The following DNAH6 variants were observed in gnomAD, a reference collection of about 807,000 sequenced individuals.
DNAH6 encodes axonemal beta dynein heavy chain 6.
Under a neutral mutation model 491.4 loss-of-function variants are expected in DNAH6, and 340 were observed. The ratio of observed to expected loss-of-function variants is 0.69; its 90% CI spans 0.63 to 0.76. The LOEUF (loss-of-function observed/expected upper bound fraction) is 0.76, where lower values mean the gene tolerates loss of function less well. DNAH6 is among the 30% of genes least tolerant of loss of function. The probability of loss-of-function intolerance (pLI) is 0.00; values close to 1 mark genes in which losing one functional copy is unlikely to be tolerated. For synonymous variants in DNAH6, 1,603 were observed against 1,686.1 expected (o/e 0.95, Z 1.21); for missense variants, 4,443 against 4,972.2 (o/e 0.89, Z 3.20).
chr2:84,666,436 C>G (rs1162687886), intron 37 of DNAH6, among the ~76,000 whole-genome samples: 3 of 152,272 alleles, frequency 2.0e-5, no homozygotes, highest in Admixed American at 6.5e-5. Context: ...GCTAAAATCA[C>G]AAGCATTCCT....
intron 39 of DNAH6, 106 bp from the exon 40 acceptor site, chr2:84,672,221 T>G: frequency 8.5e-7 from 1 of 1,176,802 alleles, no homozygotes. Context: ...CTGAGCTCTT[T>G]ATGACCTGTA....
In DNAH6 at chr2:84,781,671, C is replaced by T; in HGVS notation, c.10864+18C>T. 2 of 1,524,016 alleles carry T rather than the reference C, an allele frequency of 1.3e-6. No homozygotes were observed. Among genetic ancestry groups the T allele is most frequent in the Non-Finnish European group, 1.8e-6 (2 of 1,131,100 alleles). The allele number at this position is 1,524,016 out of a possible 1,614,324, so 94.4% of individuals were successfully genotyped here. A position where few individuals can be genotyped will look rare whatever the true frequency, so the allele number is the denominator to read the frequency against. On this transcript the variant is annotated intron_variant, in intron 65 of 76. Transcript: ENST00000389394. ...AGATCCAGGTATGTTGAGCATATAG[C>T]CCTTGCATAATAATCACATTTTTAT...
At chr2:84,751,796 A>G (rs1343283147) in intron 63 of DNAH6, among the ~76,000 whole-genome samples, 3 of 152,070 alleles carry the variant, frequency 2.0e-5, no homozygotes, top group Non-Finnish European at 4.4e-5. Context: ...GTTAAAACAG[A>G]CTCCTGGGGC....
intron 45 of DNAH6, among the ~76,000 whole-genome samples, chr2:84,693,400 C>G (rs748971837): frequency 2.2e-4 from 34 of 151,908 alleles, no homozygotes; most frequent in Non-Finnish European, 4.7e-4. Context: ...GGGGGGGTTT[C>G]CCTCCTTTTT....
intron 3 of DNAH6, among the ~76,000 whole-genome samples, chr2:84,527,399 T>G (rs147127924): frequency 5.3e-5 from 8 of 152,160 alleles, no homozygotes; most frequent in African/African-American, 1.9e-4. Flanking sequence ...AGTTACATAA[T>G]GAGAAATTAG....
chr2:84,772,620 C>T (rs1675738684), intron 64 of DNAH6, among the ~76,000 whole-genome samples: 2 of 151,986 alleles, frequency 1.3e-5, no homozygotes, highest in Non-Finnish European at 2.9e-5. Context: ...TACATATGCA[C>T]CTAACAACCA....
intron 22 of DNAH6, among the ~76,000 whole-genome samples, chr2:84,612,858 T>C (rs1192366201): frequency 2.0e-5 from 3 of 152,046 alleles, no homozygotes; most frequent in African/African-American, 7.2e-5. Flanking sequence ...GTTTGGGGGA[T>C]TAGGACATGA....
chr2:84,701,015 G>A lies in DNAH6; in HGVS notation c.7819-82G>A, dbSNP rs564214606. On this transcript the variant is annotated intron_variant, in intron 48 of 76. Coordinates refer to ENST00000389394, the MANE Select transcript of DNAH6 (RefSeq NM_001370.2). ...GGGGACTGGGCAGGGAGGAGTTCCC[G>A]AGAAATATGTTTTTCTTGGTATTAA... 352 of 1,466,902 alleles carry A rather than the reference G, an allele frequency of 2.4e-4. No individual in the cohort carries two copies. The African/African-American group carries it at 4.4e-3, about 18-fold the overall frequency. The allele number at this position is 1,466,902 out of a possible 1,614,324, so 90.9% of individuals were successfully genotyped here. A position where few individuals can be genotyped will look rare whatever the true frequency, so the allele number is the denominator to read the frequency against.
intron 23 of DNAH6, 94 bp downstream of exon 23, chr2:84,617,076 A>G: frequency 1.5e-6 from 1 of 671,360 alleles, no homozygotes; most frequent in South Asian, 2.1e-5. Context: ...TGAAGGAACT[A>G]GAGAGAGAAA....
chr2:84,752,921 A>C (rs1240496961), intron 63 of DNAH6, among the ~76,000 whole-genome samples: 1 of 152,056 alleles, frequency 6.6e-6, no homozygotes, highest in Non-Finnish European at 1.5e-5. Flanking sequence ...TATCTTATGT[A>C]TTTACTTAGT....
chr2:84,704,351 T>C, intron 51 of DNAH6, 49 bp downstream of exon 51: 1 of 1,362,772 alleles, frequency 7.3e-7, no homozygotes, highest in South Asian at 1.3e-5. Flanking sequence ...TAAGAGTTCT[T>C]TACTGTTTTC....
intron 54 of DNAH6, among the ~76,000 whole-genome samples, chr2:84,708,825 C>T (rs1251187810): frequency 1.3e-5 from 2 of 152,166 alleles, no homozygotes; most frequent in African/African-American, 4.8e-5. Context: ...TATAGACTCT[C>T]CAGGAGCTCT....
intron 23 of DNAH6, among the ~76,000 whole-genome samples, chr2:84,618,407 A>G (rs573618058): frequency 6.6e-6 from 1 of 152,280 alleles, no homozygotes; most frequent in African/African-American, 2.4e-5. Flanking sequence ...ATAGAAGAGC[A>G]TCTCATAGGC....
chr2:84,516,217 G>A (rs1573470313), upstream of DNAH6, among the ~76,000 whole-genome samples: 2 of 152,288 alleles, frequency 1.3e-5, no homozygotes, highest in East Asian at 3.9e-4. Context: ...GTGAGTGGTC[G>A]ATAAGCAACG....
At chr2:84,734,295 C>G (rs553461825) in intron 62 of DNAH6, among the ~76,000 whole-genome samples, 1 of 151,888 alleles carries the variant, frequency 6.6e-6, no homozygotes, top group African/African-American at 2.4e-5. Context: ...CGCCCACCAC[C>G]ACACCCGGCT....
intron 46 of DNAH6, among the ~76,000 whole-genome samples, chr2:84,695,325 G>T (rs2104798657): frequency 6.6e-6 from 1 of 152,072 alleles, no homozygotes; most frequent in Non-Finnish European, 1.5e-5. Flanking sequence ...ACTTGGCCTT[G>T]CAAGTTGATA....
chr2:84,724,647 T>G (rs1698457031), intron 60 of DNAH6, among the ~76,000 whole-genome samples: 2 of 152,184 alleles, frequency 1.3e-5, no homozygotes, highest in Non-Finnish European at 2.9e-5. Flanking sequence ...TGCAAACATC[T>G]AGAGGCTGAC....
intron 73 of DNAH6, 57 bp downstream of exon 73, chr2:84,812,583 G>T (rs1030143828): frequency 2.8e-6 from 4 of 1,441,626 alleles, no homozygotes; most frequent in Middle Eastern, 1.8e-4. Context: ...TTGGCCTAAG[G>T]TCCCTAGGAA....
At chr2:84,470,214 G>C in the DNAH6 span, among the ~76,000 whole-genome samples, 1 of 152,148 alleles carries the variant, frequency 6.6e-6, no homozygotes, top group African/African-American at 2.4e-5. Context: ...CAGGGTTTCT[G>C]CACTATAGTC....
Sources: gnomAD v4.1 joint callset for allele counts (sites outside exome capture counted in the v4.1 genomes callset) on GRCh38, gnomAD v4.1.1 for gene constraint, MANE v1.5 for transcripts, NCBI Gene and HGNC (gene_info 2026-07-23, HGNC 2026-07-21) for gene names.